The following PLD5 variants were observed in gnomAD, a reference collection of about 807,000 sequenced individuals.
PLD5 encodes phospholipase D family member 5.
Under a neutral mutation model 61.1 loss-of-function variants are expected in PLD5, and 36 were observed. That is an observed-to-expected ratio of 0.59 (90% confidence interval 0.45 to 0.78). The LOEUF (loss-of-function observed/expected upper bound fraction) is 0.78, where lower values mean the gene tolerates loss of function less well. PLD5 is among the 30% of genes least tolerant of loss of function. The probability of loss-of-function intolerance (pLI) is 0.00; values close to 1 mark genes in which losing one functional copy is unlikely to be tolerated. For synonymous variants in PLD5, 243 were observed against 242.8 expected (o/e 1.00, Z -0.01); for missense variants, 515 against 644.4 (o/e 0.80, Z 2.17).
chr1:242,475,602 G>C, intron 1 of PLD5, among the ~76,000 whole-genome samples: 1 of 152,168 alleles, frequency 6.6e-6, no homozygotes, highest in South Asian at 2.1e-4. Flanking sequence ...ACAGAACAGC[G>C]AGGAGACTCT....
intron 2 of PLD5, among the ~76,000 whole-genome samples, chr1:242,305,482 C>T (rs1324069013): frequency 1.3e-5 from 2 of 152,226 alleles, no homozygotes; most frequent in Non-Finnish European, 2.9e-5. Flanking sequence ...ATTTCTTCAT[C>T]TGAAAGAAGA....
At position 242,103,768 on chromosome 1, in the gene PLD5, T is replaced by C. The variant is rs539112173; in HGVS notation, c.1240-2986A>G. Among the ~76,000 whole-genome samples, 68 of 152,324 alleles carry C rather than the reference T, an allele frequency of 4.5e-4. 4 individuals are homozygous for C. The South Asian group carries it at 0.013, about 29-fold the overall frequency. On this transcript the variant is annotated intron_variant, in intron 8 of 9. Transcript: ENST00000536534. ...AGATCTGTGGTAGTAATCACAGTCA[T>C]GTTTTTATTTCCAATACTTACACTG...
At chr1:242,240,901 T>C (rs921623997) in intron 4 of PLD5, among the ~76,000 whole-genome samples, 1 of 152,134 alleles carries the variant, frequency 6.6e-6, no homozygotes, top group Non-Finnish European at 1.5e-5. Context: ...TAGCTCAGCT[T>C]AATAAAAGAA....
intron 5 of PLD5, among the ~76,000 whole-genome samples, chr1:242,171,806 T>C (rs1666771412): frequency 1.3e-5 from 2 of 151,964 alleles, no homozygotes; most frequent in South Asian, 4.2e-4. Flanking sequence ...AGAAGGGCAT[T>C]ACATAGTGGT....
chr1:242,095,706 G>C (rs1220804439), intron 9 of PLD5, among the ~76,000 whole-genome samples: 1 of 152,088 alleles, frequency 6.6e-6, no homozygotes, highest in Non-Finnish European at 1.5e-5. Flanking sequence ...CTTACTTTAA[G>C]TAAACTCCAC....
chr1:242,237,609 G>A (rs1462804700), intron 4 of PLD5, among the ~76,000 whole-genome samples: 3 of 152,172 alleles, frequency 2.0e-5, no homozygotes, highest in Admixed American at 6.5e-5. Flanking sequence ...TAACAGCCAC[G>A]TGCCTAAAAG....
chr1:242,093,797 T>C (rs1180576791), intron 9 of PLD5, among the ~76,000 whole-genome samples: 1 of 151,554 alleles, frequency 6.6e-6, no homozygotes, highest in Admixed American at 6.6e-5. Context: ...TACATGGAAA[T>C]ATGCTTCGGG....
chr1:242,512,585 T>G (rs1668962616), intron 1 of PLD5, among the ~76,000 whole-genome samples: 1 of 152,160 alleles, frequency 6.6e-6, no homozygotes, highest in South Asian at 2.1e-4. Flanking sequence ...AGGAAAAATT[T>G]AAAAAGTTAA....
intron 1 of PLD5, among the ~76,000 whole-genome samples, chr1:242,417,155 T>A (rs948747108): frequency 6.6e-6 from 1 of 152,072 alleles, no homozygotes; most frequent in Non-Finnish European, 1.5e-5. Flanking sequence ...GGTGAGGAAG[T>A]TAGCTATGGG....
chr1:242,369,271 T>G (rs1052537101), intron 1 of PLD5, among the ~76,000 whole-genome samples: 1 of 152,182 alleles, frequency 6.6e-6, no homozygotes, highest in Admixed American at 6.5e-5. Context: ...GTTGGGGAAA[T>G]AGGCATTGGG....
chr1:242,417,627 C>T (rs1019888571), intron 1 of PLD5, among the ~76,000 whole-genome samples: 8 of 152,246 alleles, frequency 5.3e-5, no homozygotes, highest in African/African-American at 1.9e-4. Flanking sequence ...TGCTCTCTAA[C>T]ATTACCAGCA....
chr1:242,325,068 C>T (rs1225700475), intron 2 of PLD5, among the ~76,000 whole-genome samples: 2 of 152,066 alleles, frequency 1.3e-5, no homozygotes, highest in Non-Finnish European at 2.9e-5. Flanking sequence ...GCAATTCCCG[C>T]GTCTCAATAA....
intron 1 of PLD5, among the ~76,000 whole-genome samples, chr1:242,506,120 G>A (rs1668710305): frequency 6.6e-6 from 1 of 152,130 alleles, no homozygotes; most frequent in Admixed American, 6.5e-5. Flanking sequence ...TCTACATAGA[G>A]AATTTTAACA....
At chr1:242,270,475 AC>A (rs1673992908) in intron 3 of PLD5, among the ~76,000 whole-genome samples, 1 of 152,196 alleles carries the variant, frequency 6.6e-6, no homozygotes, top group South Asian at 2.1e-4. Context: ...TCCTGATGCA[AC>A]ACAGTTCTCC....
At chr1:242,528,225 G>A (rs1055297610), upstream of PLD5, among the ~76,000 whole-genome samples, 1 of 152,134 alleles carries the variant, frequency 6.6e-6, no homozygotes, top group Non-Finnish European at 1.5e-5. Context: ...AGTAAATGGG[G>A]AATAATCATT....
intron 1 of PLD5, among the ~76,000 whole-genome samples, chr1:242,391,964 C>G (rs1662960715): frequency 6.6e-6 from 1 of 152,168 alleles, no homozygotes; most frequent in African/African-American, 2.4e-5. Context: ...CACTCATGTT[C>G]ATTGCAGCAC....
intron 1 of PLD5, among the ~76,000 whole-genome samples, chr1:242,409,071 AAAAAGAAAAG>A (rs200017260): frequency 4.7e-4 from 66 of 140,454 alleles, no homozygotes; most frequent in Non-Finnish European, 6.5e-4. Context: ...CTCTCAAAAA[AAAAAGAAAAG>A]AAAAGAAAAG....
chr1:242,330,149 T>C (rs532771267), intron 2 of PLD5, among the ~76,000 whole-genome samples: 3 of 152,304 alleles, frequency 2.0e-5, no homozygotes, highest in African/African-American at 7.2e-5. Context: ...CATCCAGGTA[T>C]ACTCTTCAGA....
intron 1 of PLD5, among the ~76,000 whole-genome samples, chr1:242,493,075 A>G (rs1457421962): frequency 3.3e-5 from 5 of 152,226 alleles, no homozygotes; most frequent in Non-Finnish European, 5.9e-5. Context: ...ATTTCTGCTA[A>G]GGCTCACTAG....
Sources: allele counts gnomAD v4.1 joint callset (sites outside exome capture counted in the v4.1 genomes callset), GRCh38; gene constraint gnomAD v4.1.1; transcripts MANE v1.5; gene names NCBI Gene and HGNC (gene_info 2026-07-23, HGNC 2026-07-21).